The following TESK2 variants were observed in gnomAD, a reference collection of about 807,000 sequenced individuals.
TESK2 encodes testis associated actin remodelling kinase 2.
Under a neutral mutation model 57.1 loss-of-function variants are expected in TESK2, and 39 were observed. The ratio of observed to expected loss-of-function variants is 0.68; its 90% CI spans 0.53 to 0.89. TESK2 has a LOEUF of 0.89. TESK2 is among the 40% of genes least tolerant of loss of function. The probability of loss-of-function intolerance (pLI) is 0.00; values close to 1 mark genes in which losing one functional copy is unlikely to be tolerated. For synonymous variants in TESK2, 249 were observed against 267.9 expected (o/e 0.93, Z 0.69); for missense variants, 646 against 732.1 (o/e 0.88, Z 1.36).
chr1:45,442,398 G>A (rs780943258), intron 2 of TESK2, among the ~76,000 whole-genome samples: 76 of 151,828 alleles, frequency 5.0e-4, no homozygotes, highest in Non-Finnish European at 4.1e-4. Context: ...GGGTAATGAC[G>A]TGTACTTGAA....
chr1:45,366,046 T>A (rs1250530600), intron 4 of TESK2, among the ~76,000 whole-genome samples: 1 of 151,912 alleles, frequency 6.6e-6, no homozygotes, highest in African/African-American at 2.4e-5. Context: ...TGACCTCAGG[T>A]GATCCGCCTG....
At chr1:45,446,028 A>G (rs1651634790) in intron 2 of TESK2, among the ~76,000 whole-genome samples, 2 of 152,196 alleles carry the variant, frequency 1.3e-5, no homozygotes, top group Admixed American at 1.3e-4. Flanking sequence ...ACTTAAGTAG[A>G]CCAATTATCC....
At chr1:45,470,633 C>T (rs1315297233) in intron 1 of TESK2, among the ~76,000 whole-genome samples, 2 of 152,164 alleles carry the variant, frequency 1.3e-5, no homozygotes, top group African/African-American at 4.8e-5. Flanking sequence ...TAAGCCATGA[C>T]ATAAAACAGA....
intron 3 of TESK2, among the ~76,000 whole-genome samples, chr1:45,416,551 A>AT (rs906422816): frequency 6.6e-6 from 1 of 152,054 alleles, no homozygotes; most frequent in African/African-American, 2.4e-5. Context: ...ACCTCACATC[A>AT]TTTTTTGTGG....
intron 3 of TESK2, among the ~76,000 whole-genome samples, chr1:45,396,366 G>T (rs1208953642): frequency 6.6e-6 from 1 of 152,024 alleles, no homozygotes; most frequent in Non-Finnish European, 1.5e-5. Context: ...AAAGTACTGG[G>T]ATTACAGGTG....
At chr1:45,480,332 C>CTGGGTGT (rs1557590082) in intron 1 of TESK2, among the ~76,000 whole-genome samples, 1 of 151,572 alleles carries the variant, frequency 6.6e-6, no homozygotes, top group African/African-American at 2.4e-5. Flanking sequence ...GTGGCACACA[C>CTGGGTGT]CTGTAGTCCC....
intron 4 of TESK2, among the ~76,000 whole-genome samples, chr1:45,369,491 C>G (rs936523201): frequency 2.0e-5 from 3 of 151,712 alleles, no homozygotes; most frequent in Non-Finnish European, 4.4e-5. Context: ...GAAACTCCAT[C>G]TCTAAATAAA....
chr1:45,382,139 T>C (rs1648686940), intron 4 of TESK2, among the ~76,000 whole-genome samples: 2 of 152,146 alleles, frequency 1.3e-5, no homozygotes, highest in Admixed American at 1.3e-4. Flanking sequence ...CCTAAAAGTG[T>C]TGGGATTATA....
intron 2 of TESK2, among the ~76,000 whole-genome samples, chr1:45,432,476 G>A (rs1217675606): frequency 6.6e-6 from 1 of 151,602 alleles, no homozygotes; most frequent in Non-Finnish European, 1.5e-5. Flanking sequence ...CAGATCACAA[G>A]GTCAGGAGAT....
intron 4 of TESK2, among the ~76,000 whole-genome samples, chr1:45,372,140 C>T (rs561396686): frequency 1.6e-4 from 25 of 151,622 alleles, no homozygotes; most frequent in South Asian, 6.3e-4. Context: ...ATCAGCTACT[C>T]GAAAGGCTGA....
intron 4 of TESK2, among the ~76,000 whole-genome samples, chr1:45,378,174 A>C (rs1648515956): frequency 6.6e-6 from 1 of 152,234 alleles, no homozygotes; most frequent in Non-Finnish European, 1.5e-5. Context: ...TAATATACAG[A>C]GAGATCTGAG....
intron 1 of TESK2, among the ~76,000 whole-genome samples, chr1:45,473,967 G>A (rs1053398047): frequency 5.3e-5 from 8 of 151,848 alleles, no homozygotes; most frequent in Admixed American, 2.6e-4. Flanking sequence ...CCAGCCAATT[G>A]GGGAAGTTTT....
At chr1:45,399,140 ATTTTT>A (rs753087306) in intron 3 of TESK2, among the ~76,000 whole-genome samples, 1 of 99,720 alleles carries the variant, frequency 1.0e-5, no homozygotes, top group Non-Finnish European at 1.9e-5. Context: ...AAAAGTTGAA[ATTTTT>A]TTTTTTTTTT....
intron 4 of TESK2, among the ~76,000 whole-genome samples, chr1:45,380,216 G>A (rs1648600971): frequency 6.6e-6 from 1 of 152,106 alleles, no homozygotes; most frequent in Non-Finnish European, 1.5e-5. Flanking sequence ...TTTTCTTCAT[G>A]GCAGAAAAGG....
intron 1 of TESK2, among the ~76,000 whole-genome samples, chr1:45,480,963 G>A (rs1033618770): frequency 1.3e-5 from 2 of 151,796 alleles, no homozygotes; most frequent in African/African-American, 4.8e-5. Context: ...ACTCCAGCCT[G>A]GGTGATGAAG....
chr1:45,369,259 G>A (rs997620174), intron 4 of TESK2, among the ~76,000 whole-genome samples: 9 of 152,028 alleles, frequency 5.9e-5, no homozygotes, highest in Non-Finnish European at 1.3e-4. Context: ...TCAGCACTTT[G>A]GGAGGCCAAG....
intron 1 of TESK2, among the ~76,000 whole-genome samples, chr1:45,478,381 C>T (rs1323502774): frequency 6.6e-6 from 1 of 152,174 alleles, no homozygotes; most frequent in Admixed American, 6.5e-5. Flanking sequence ...ATCTCTTTCA[C>T]TGGACTATGA....
chr1:45,364,907 A>G (rs911115522), intron 4 of TESK2, among the ~76,000 whole-genome samples: 1 of 152,250 alleles, frequency 6.6e-6, no homozygotes, highest in African/African-American at 2.4e-5. Flanking sequence ...GAAACCTGTC[A>G]GAAACCAGTA....
intron 3 of TESK2, among the ~76,000 whole-genome samples, chr1:45,411,877 T>C (rs578143537): frequency 1.3e-5 from 2 of 152,312 alleles, no homozygotes; most frequent in East Asian, 3.9e-4. Context: ...CATAGCTCAC[T>C]ACTCCTAGGC....
Sources: gnomAD v4.1 joint callset for allele counts (sites outside exome capture counted in the v4.1 genomes callset) on GRCh38, gnomAD v4.1.1 for gene constraint, MANE v1.5 for transcripts, NCBI Gene and HGNC (gene_info 2026-07-23, HGNC 2026-07-21) for gene names.